TRMT11: variants seen among roughly 807,000 people sequenced by gnomAD.
TRMT11 encodes tRNA (guanine(10)-N(2))-methyltransferase TRMT11.
In TRMT11, 53 loss-of-function variants were observed where a neutral mutation model predicts 62.8. The ratio of observed to expected loss-of-function variants is 0.84; its 90% confidence interval spans 0.68 to 1.06. TRMT11 has a LOEUF of 1.06. Among genes scored for constraint, TRMT11 ranks in the 50% least tolerant of loss-of-function variants. TRMT11 has a pLI of 0.00. For synonymous variants in TRMT11, 188 were observed against 190.3 expected (o/e 0.99, Z 0.10); for missense variants, 556 against 553.4 (o/e 1.00, Z -0.05).
chr6:126,185,913 G>A lies in TRMT11; in HGVS notation n.143+8578G>A, dbSNP rs1017660238. Among the ~76,000 whole-genome samples the A allele has an allele frequency of 1.6e-4, 24 of 152,208 alleles. 1 individual carries two copies. Among genetic ancestry groups the A allele is most frequent in the East Asian group, 1.4e-3 (7 of 5,176 alleles). ...CATGAGAACTCACTTACTAACATGAGAACAGCATGGGGAAACTGCCCCTAT... is the reference window on the plus strand; with the variant it reads ...CATGAGAACTCACTTACTAACATGAAAACAGCATGGGGAAACTGCCCCTAT... On this transcript the variant is annotated intron_variant and non_coding_transcript_variant, in intron 1 of 3. Transcript: ENST00000444229.
At chr6:126,119,543 AG>A in intron 21 of TRMT11, among the ~76,000 whole-genome samples, 1 of 152,006 alleles carries the variant, frequency 6.6e-6, no homozygotes. Flanking sequence ...AGGTGTGGAA[AG>A]AATGAAAGAA....
chr6:126,016,441 C>T (rs1272587651), intron 11 of TRMT11, among the ~76,000 whole-genome samples: 1 of 152,098 alleles, frequency 6.6e-6, no homozygotes, highest in South Asian at 2.1e-4. Context: ...TCTGACTGTT[C>T]ACTGTTTTGC....
At chr6:126,119,762 A>G (rs1777629495) in intron 21 of TRMT11, among the ~76,000 whole-genome samples, 1 of 152,134 alleles carries the variant, frequency 6.6e-6, no homozygotes, top group African/African-American at 2.4e-5. Flanking sequence ...GGAAAAACAA[A>G]TTGGAAATAT....
At chr6:126,214,132 C>A in the TRMT11 span, among the ~76,000 whole-genome samples, 2 of 149,198 alleles carry the variant, frequency 1.3e-5, no homozygotes, top group Non-Finnish European at 3.0e-5. Context: ...GTGTTGATTT[C>A]TGTTTCCTAG....
At chr6:126,239,041 T>A in the TRMT11 span, among the ~76,000 whole-genome samples, 3 of 152,148 alleles carry the variant, frequency 2.0e-5, no homozygotes, top group Non-Finnish European at 4.4e-5. Flanking sequence ...CCCCCTTCCT[T>A]TTTTTTGTTT....
At chr6:126,170,802 C>T (rs1778321251) in intron 21 of TRMT11, among the ~76,000 whole-genome samples, 1 of 151,994 alleles carries the variant, frequency 6.6e-6, no homozygotes, top group Non-Finnish European at 1.5e-5. Context: ...ACCTATTTTA[C>T]TAAGTGAAAA....
intron 8 of TRMT11, among the ~76,000 whole-genome samples, chr6:126,010,390 C>T (rs568522993): frequency 6.6e-6 from 1 of 151,990 alleles, no homozygotes; most frequent in Non-Finnish European, 1.5e-5. Flanking sequence ...GTCTACCTAT[C>T]TTTGAGCACT....
chr6:126,215,738 A>G, the TRMT11 span, among the ~76,000 whole-genome samples: 61 of 151,540 alleles, frequency 4.0e-4, no homozygotes, highest in Middle Eastern at 3.2e-3. Context: ...TTTTTTTGGT[A>G]TGTGTTGCAT....
chr6:126,247,495 TAC>T, the TRMT11 span, among the ~76,000 whole-genome samples: 1 of 126,464 alleles, frequency 7.9e-6, no homozygotes, highest in African/African-American at 3.2e-5. Context: ...CTATCTAAAA[TAC>T]CTATCTCTCT....
chr6:126,243,410 T>C, the TRMT11 span, among the ~76,000 whole-genome samples: 3 of 152,132 alleles, frequency 2.0e-5, no homozygotes, highest in East Asian at 5.8e-4. Context: ...AGAAATACCA[T>C]TTGACCCAGC....
At chr6:125,991,305 G>T (rs1790587817) in intron 1 of TRMT11, among the ~76,000 whole-genome samples, 1 of 151,912 alleles carries the variant, frequency 6.6e-6, no homozygotes, top group African/African-American at 2.4e-5. Context: ...AGGCTACAGT[G>T]CAGTGGCGTG....
At chr6:126,162,548 C>A (rs1354923498) in intron 21 of TRMT11, among the ~76,000 whole-genome samples, 3 of 152,096 alleles carry the variant, frequency 2.0e-5, no homozygotes, top group Non-Finnish European at 4.4e-5. Flanking sequence ...TATGCAGCCT[C>A]TTTTTTGGTT....
At chr6:126,180,317 G>A (rs1778443479) in intron 1 of TRMT11, among the ~76,000 whole-genome samples, 1 of 152,114 alleles carries the variant, frequency 6.6e-6, no homozygotes, top group South Asian at 2.1e-4. Flanking sequence ...TAAATATTCT[G>A]TATAAGTGAT....
At chr6:126,036,235 G>T (rs1202120615) in intron 12 of TRMT11, among the ~76,000 whole-genome samples, 1 of 152,148 alleles carries the variant, frequency 6.6e-6, no homozygotes, top group Admixed American at 6.5e-5. Context: ...TCTGCAAAGT[G>T]ATAGGTAATT....
At chr6:126,075,861 A>G (rs2128147822) in intron 17 of TRMT11, among the ~76,000 whole-genome samples, 1 of 152,300 alleles carries the variant, frequency 6.6e-6, no homozygotes, top group South Asian at 2.1e-4. Context: ...AGGAGAGGGA[A>G]GGTGGAAAAG....
intron 11 of TRMT11, among the ~76,000 whole-genome samples, chr6:126,015,664 C>T (rs780311116): frequency 2.0e-5 from 3 of 152,232 alleles, no homozygotes; most frequent in Admixed American, 2.0e-4. Flanking sequence ...ATTTATAACA[C>T]TATTCCATGC....
chr6:126,178,163 G>A (rs895911069), intron 1 of TRMT11, among the ~76,000 whole-genome samples: 1 of 152,144 alleles, frequency 6.6e-6, no homozygotes. Context: ...ATTTATTATA[G>A]TTTCTTTAAA....
chr6:126,038,203 ATTGT>A (rs1394382480), intron 12 of TRMT11, among the ~76,000 whole-genome samples: 3 of 152,050 alleles, frequency 2.0e-5, no homozygotes, highest in Non-Finnish European at 2.9e-5. Context: ...GTTTCCACGA[ATTGT>A]TTATTTCATT....
intron 21 of TRMT11, among the ~76,000 whole-genome samples, chr6:126,121,578 T>A (rs895372013): frequency 2.6e-5 from 4 of 152,100 alleles, no homozygotes; most frequent in Non-Finnish European, 5.9e-5. Flanking sequence ...CTTCTTCAAG[T>A]TTAGTTTCCT....
Sources: allele counts gnomAD v4.1 joint callset (sites outside exome capture counted in the v4.1 genomes callset), GRCh38; gene constraint gnomAD v4.1.1; transcripts MANE v1.5; gene names NCBI Gene and HGNC (gene_info 2026-07-23, HGNC 2026-07-21).